The following SIL1 variants were observed in gnomAD, a reference collection of about 807,000 sequenced individuals.
The protein encoded by SIL1 is nucleotide exchange factor SIL1.
Under a neutral mutation model 49.1 loss-of-function variants are expected in SIL1, and 40 were observed. The observed-to-expected ratio is 0.81, with a 90% CI of 0.63 to 1.06. The LOEUF is 1.06. Ranked by LOEUF, SIL1 falls within the 50% of genes least tolerant of loss-of-function variation. The probability of loss-of-function intolerance (pLI) is 0.00; values close to 1 mark genes in which losing one functional copy is unlikely to be tolerated. For synonymous variants in SIL1, 253 were observed against 250.8 expected, an observed-to-expected ratio of 1.01 and a Z score of -0.08; for missense variants, 500 against 572.6, an observed-to-expected ratio of 0.87 and a Z score of 1.29.
intron 6 of SIL1, among the ~76,000 whole-genome samples, chr5:139,024,426 T>A (rs1006081811): frequency 4.6e-5 from 7 of 152,196 alleles, no homozygotes; most frequent in East Asian, 1.9e-4. Context: ...AGAAAGAAGA[T>A]GAAGAGGCTG....
At position 139,078,929 on chromosome 5, in the gene SIL1, A is replaced by G. The variant is rs1287028171; in HGVS notation, c.245-27883T>C. Among the ~76,000 whole-genome samples, 3 of 152,242 alleles carry G rather than the reference A, an allele frequency of 2.0e-5. No individual in the cohort carries two copies. The South Asian group carries it at 6.2e-4, about 32-fold the overall frequency. ...CCAATAGAACTTTCTGCAATGACAG[A>G]AATGTTCTATATCTATGCTGGCCCT... On this transcript the variant is annotated intron_variant, in intron 3 of 9. Coordinates refer to ENST00000394817, the MANE Select transcript of SIL1 (RefSeq NM_022464.5).
At chr5:138,986,367 C>A (rs911936743) in intron 7 of SIL1, among the ~76,000 whole-genome samples, 3 of 152,168 alleles carry the variant, frequency 2.0e-5, no homozygotes, top group African/African-American at 7.2e-5. Flanking sequence ...TGATAATGCA[C>A]CCTCTGAACA....
intron 1 of SIL1, among the ~76,000 whole-genome samples, chr5:139,194,281 G>A (rs565078256): frequency 9.8e-5 from 15 of 152,294 alleles, no homozygotes; most frequent in African/African-American, 3.6e-4. Flanking sequence ...CTCCACATGT[G>A]TCTGAGCAGC....
Position 139,172,364 on chromosome 5 carries a change from T to C in SIL1, c.-11+25905A>G, listed in dbSNP as rs548462329. Among the ~76,000 whole-genome samples, 153 of 152,324 alleles carry C rather than the reference T, an allele frequency of 1.0e-3. 1 individual carries two copies. The highest frequency in any genetic ancestry group is 3.4e-3 in the Middle Eastern group (1 of 292). ...TATGGTGGCTTAGAGCCAGGCATGATGGCTGATGCCTGGAATCCCAGCACT... is the reference window on the plus strand; with the variant it reads ...TATGGTGGCTTAGAGCCAGGCATGACGGCTGATGCCTGGAATCCCAGCACT... On this transcript the variant is annotated intron_variant, in intron 1 of 9. Coordinates refer to ENST00000394817, the MANE Select transcript of SIL1 (RefSeq NM_022464.5).
At chr5:139,030,159 A>C (rs534407169) in intron 5 of SIL1, among the ~76,000 whole-genome samples, 63 of 152,136 alleles carry the variant, frequency 4.1e-4, no homozygotes, top group African/African-American at 1.4e-3. Flanking sequence ...TCTACAAAAA[A>C]CACAAAAATT....
chr5:139,189,122 A>G (rs1194040954), intron 1 of SIL1, among the ~76,000 whole-genome samples: 1 of 152,206 alleles, frequency 6.6e-6, no homozygotes, highest in African/African-American at 2.4e-5. Flanking sequence ...ACTGGAAACT[A>G]TTGTTGTCAA....
In SIL1 at chr5:138,947,832, C is replaced by CACTG. The variant is rs1766669912; in HGVS notation, c.1030-363_1030-360dup. On this transcript the variant is annotated intron_variant, in intron 9 of 9. Transcript: ENST00000394817. The surrounding 1 kb of genome is among the most constrained non-coding windows in gnomAD (Gnocchi z 4.1). ...GGCTGGCTTCAAATTCCTGCTCCAC[C>CACTG]ACTGACTTGCTGAATGACCATGGCT... Among the ~76,000 whole-genome samples the CACTG allele has an allele frequency of 6.6e-6, 1 of 152,206 alleles. No individual in the cohort carries two copies. Among genetic ancestry groups the CACTG allele is most frequent in the Admixed American group, 6.5e-5 (1 of 15,280 alleles).
intron 3 of SIL1, among the ~76,000 whole-genome samples, chr5:139,114,237 G>C (rs1770938146): frequency 6.6e-6 from 1 of 152,318 alleles, no homozygotes; most frequent in East Asian, 1.9e-4. Context: ...AGTCCTTCCT[G>C]GCCTGGCCTC....
chr5:138,981,217 A>C (rs1369074703), intron 7 of SIL1, among the ~76,000 whole-genome samples: 1 of 77,060 alleles, frequency 1.3e-5, no homozygotes, highest in Non-Finnish European at 3.2e-5. Context: ...TGTCTCCAAA[A>C]AAAAAAAAAA....
At chr5:139,180,791 G>A (rs1205393099) in intron 1 of SIL1, among the ~76,000 whole-genome samples, 3 of 152,162 alleles carry the variant, frequency 2.0e-5, no homozygotes, top group African/African-American at 4.8e-5. Flanking sequence ...TTCCTGCAGT[G>A]TAGCATGCCT....
intron 7 of SIL1, among the ~76,000 whole-genome samples, chr5:138,987,679 A>T (rs1437505273): frequency 1.3e-5 from 2 of 152,172 alleles, no homozygotes; most frequent in Non-Finnish European, 2.9e-5. Flanking sequence ...CTCTAAATGG[A>T]GCCCTCTTAC....
At chr5:139,030,401 TG>T (rs1354156785) in intron 5 of SIL1, among the ~76,000 whole-genome samples, 2 of 151,668 alleles carry the variant, frequency 1.3e-5, no homozygotes, top group African/African-American at 4.8e-5. Flanking sequence ...CACTTGAACC[TG>T]GGAGGTGGAG....
intron 1 of SIL1, among the ~76,000 whole-genome samples, chr5:139,194,651 A>G (rs903749162): frequency 2.6e-5 from 4 of 152,204 alleles, no homozygotes; most frequent in African/African-American, 9.7e-5. Flanking sequence ...GCTGTGCTAC[A>G]GAGCGTGATC....
chr5:139,092,722 T>C (rs190055394), intron 3 of SIL1, among the ~76,000 whole-genome samples: 1 of 152,316 alleles, frequency 6.6e-6, no homozygotes, highest in African/African-American at 2.4e-5. Flanking sequence ...GGGAAATACC[T>C]TTTATCTTAC....
intron 3 of SIL1, among the ~76,000 whole-genome samples, chr5:139,109,695 TAAAAAA>T (rs534819027): frequency 5.8e-5 from 7 of 121,546 alleles, no homozygotes; most frequent in African/African-American, 1.2e-4. Context: ...AAGGGGATGT[TAAAAAA>T]AAAAAAAAAA....
chr5:138,954,797 C>T (rs547673958), intron 7 of SIL1, among the ~76,000 whole-genome samples: 59 of 152,348 alleles, frequency 3.9e-4, no homozygotes, highest in African/African-American at 1.3e-3. Flanking sequence ...CTGCAGGACC[C>T]TTGCTGGGAA....
intron 7 of SIL1, among the ~76,000 whole-genome samples, chr5:138,985,696 ACCCAAGACTGTAT>A: frequency 6.6e-6 from 1 of 152,166 alleles, no homozygotes; most frequent in East Asian, 1.9e-4. Flanking sequence ...CTGACTGTCG[ACCCAAGACTGTAT>A]CCCATGTGTC....
At chr5:138,963,414 G>A (rs964899680) in intron 7 of SIL1, among the ~76,000 whole-genome samples, 13 of 152,146 alleles carry the variant, frequency 8.5e-5, no homozygotes, top group African/African-American at 2.9e-4. Flanking sequence ...GTGGAATCAC[G>A]CAGGGCCTAT....
intron 5 of SIL1, 90 bp downstream of exon 5, chr5:139,042,529 TG>T (rs1769069009): frequency 9.6e-7 from 1 of 1,045,244 alleles, no homozygotes; most frequent in Non-Finnish European, 1.5e-6. Context: ...CCATGTTTAT[TG>T]CAAGAGTTCC....
Sources: allele counts gnomAD v4.1 joint callset (sites outside exome capture counted in the v4.1 genomes callset), GRCh38; gene constraint gnomAD v4.1.1; non-coding constraint Gnocchi (gnomAD v3.1); transcripts MANE v1.5; gene names NCBI Gene and HGNC (gene_info 2026-07-23, HGNC 2026-07-21).